LARGE1: variants seen among roughly 807,000 people sequenced by gnomAD.
LARGE1 encodes the protein LARGE xylosyl- and glucuronyltransferase 1.
LARGE1 carries 43 observed loss-of-function variants against 87.6 expected under a neutral mutation model. The ratio of observed to expected loss-of-function variants is 0.49; its 90% CI spans 0.38 to 0.63. LARGE1 has a LOEUF of 0.63. LARGE1 is among the 30% of genes least tolerant of loss of function. The pLI is 0.00. For missense variants in LARGE1, 802 were observed against 1,000.2 expected (o/e 0.80, Z 2.67); for synonymous variants, 434 against 394.6 (o/e 1.10, Z -1.18).
At chr22:33,684,357 A>G (rs574456249) in intron 2 of LARGE1, among the ~76,000 whole-genome samples, 1 of 152,156 alleles carries the variant, frequency 6.6e-6, no homozygotes, top group African/African-American at 2.4e-5. Flanking sequence ...GAAGGGCCTC[A>G]GCCTCGGACT....
rs1364805547 is a variant in LARGE1 at position 33,920,277 on chromosome 22, C to G, written c.-365G>C. On this transcript the variant is annotated 5_prime_UTR_variant, in exon 1 of 15. Coordinates refer to ENST00000397394, the MANE Select transcript of LARGE1 (RefSeq NM_133642.5). ...GGGGACTCTTCCGAGCCAGGGGCGC[C>G]CCGCATGGGCAGGGGCCTGGGTCAG... 6.5e-6 allele frequency: 1 copy of G among 152,756 alleles called. No homozygotes were observed. The highest frequency in any genetic ancestry group is 1.5e-5 in the Non-Finnish European group (1 of 68,542). 9.5% of individuals were successfully genotyped at this position (152,756 alleles called of 1,614,324 possible). A position where few individuals can be genotyped will look rare whatever the true frequency, so the allele number is the denominator to read the frequency against.
chr22:33,588,181 G>A (rs959641269), intron 5 of LARGE1, among the ~76,000 whole-genome samples: 2 of 152,210 alleles, frequency 1.3e-5, no homozygotes, highest in East Asian at 1.9e-4. Context: ...AAGAAGAGCC[G>A]AGGGGTCCAT....
At chr22:33,878,129 C>CTTTTTTTTTTTTTTTTTTTTTAT (rs2064535035) in intron 1 of LARGE1, among the ~76,000 whole-genome samples, 4 of 44,650 alleles carry the variant, frequency 9.0e-5, no homozygotes, top group Non-Finnish European at 1.0e-4. Flanking sequence ...TATTGTATTT[C>CTTTTTTTTTTTTTTTTTTTTTAT]TTTTTTTTTT....
intron 1 of LARGE1, among the ~76,000 whole-genome samples, chr22:33,869,580 C>G (rs949929451): frequency 9.2e-5 from 14 of 152,120 alleles, no homozygotes; most frequent in Admixed American, 8.5e-4. Context: ...TCCTCACTGA[C>G]GAGAAAACAC....
intron 6 of LARGE1, among the ~76,000 whole-genome samples, chr22:33,508,969 T>C (rs2070906076): frequency 6.6e-6 from 1 of 152,222 alleles, no homozygotes; most frequent in African/African-American, 2.4e-5. Context: ...TGGCAGTTAC[T>C]TAGCTGCTAA....
intron 1 of LARGE1, among the ~76,000 whole-genome samples, chr22:33,840,977 C>T (rs2063265442): frequency 6.6e-6 from 1 of 152,308 alleles, no homozygotes; most frequent in African/African-American, 2.4e-5. Context: ...AGAAACTATA[C>T]TTGAGTACCC....
At chr22:33,095,400 C>T in the LARGE1 span, among the ~76,000 whole-genome samples, 2 of 152,276 alleles carry the variant, frequency 1.3e-5, no homozygotes, top group South Asian at 2.1e-4. Flanking sequence ...TCACTGTGTC[C>T]TCTCATTTCT....
Position 33,375,750 on chromosome 22 carries a change from TTTTA to T in LARGE1, c.1131+6165_1131+6168del, listed in dbSNP as rs548455465. 2.9e-3 allele frequency among the ~76,000 whole-genome samples: 440 copies of T among 152,230 alleles called. 1 individual carries two copies. The highest frequency in any genetic ancestry group is 0.01 in the African/African-American group (424 of 41,546). ...ATTTTTATTTTTATTTATGTTTATT[TTTTA>T]TTTATTTTTTTGAGACATGGTTTCT... On this transcript the variant is annotated intron_variant, in intron 9 of 14. Transcript: ENST00000397394.
At chr22:33,576,082 T>C (rs186787572) in intron 5 of LARGE1, among the ~76,000 whole-genome samples, 18 of 152,290 alleles carry the variant, frequency 1.2e-4, no homozygotes, top group Admixed American at 4.6e-4. Flanking sequence ...GAGGAGAAAA[T>C]TGCATTAGCT....
At chr22:33,467,530 T>TC (rs2068665426) in intron 6 of LARGE1, among the ~76,000 whole-genome samples, 2 of 152,218 alleles carry the variant, frequency 1.3e-5, no homozygotes, top group Non-Finnish European at 2.9e-5. Context: ...TTTCATTAAG[T>TC]AGATGTGTTG....
intron 4 of LARGE1, among the ~76,000 whole-genome samples, chr22:33,619,024 C>T (rs796720850): frequency 2.6e-5 from 4 of 152,308 alleles, no homozygotes; most frequent in African/African-American, 9.6e-5. Context: ...ATTGGGAACT[C>T]TCCTGCCTTT....
intron 11 of LARGE1, among the ~76,000 whole-genome samples, chr22:33,259,448 G>A (rs949155349): frequency 2.7e-5 from 4 of 150,876 alleles, no homozygotes; most frequent in Non-Finnish European, 4.4e-5. Flanking sequence ...TAGCAACCTG[G>A]CTGGTCAACT....
chr22:33,244,988 T>A (rs1926690701), intron 11 of LARGE1, among the ~76,000 whole-genome samples: 1 of 152,152 alleles, frequency 6.6e-6, no homozygotes, highest in African/African-American at 2.4e-5. Context: ...AAAATATAAA[T>A]TTTATTTCTC....
chr22:33,348,717 T>G (rs1444623208), intron 9 of LARGE1, among the ~76,000 whole-genome samples: 2 of 144,558 alleles, frequency 1.4e-5, no homozygotes, highest in Non-Finnish European at 3.1e-5. Context: ...TTGCTTTTTG[T>G]TTTTTTTTTT....
intron 12 of LARGE1, among the ~76,000 whole-genome samples, chr22:33,285,906 C>T (rs1041538320): frequency 6.6e-6 from 1 of 152,118 alleles, no homozygotes; most frequent in African/African-American, 2.4e-5. Context: ...CTAAAACCAT[C>T]CGTGGTTAAT....
the LARGE1 span, among the ~76,000 whole-genome samples, chr22:33,070,294 A>G: frequency 6.6e-6 from 1 of 152,156 alleles, no homozygotes; most frequent in Non-Finnish European, 1.5e-5. Context: ...TAATATACAT[A>G]TATATTTGTT....
chr22:33,300,533 G>A (rs1268160481), intron 12 of LARGE1, among the ~76,000 whole-genome samples: 1 of 152,066 alleles, frequency 6.6e-6, no homozygotes, highest in Non-Finnish European at 1.5e-5. Context: ...GTTCCACAAT[G>A]CTCAGCAATT....
rs962994045 is a variant in LARGE1, at chr22:33,483,662, G to A, written c.788-51397C>T. Among the ~76,000 whole-genome samples, 5 of 152,272 alleles carry A rather than the reference G, an allele frequency of 3.3e-5. No individual in the cohort carries two copies. In the South Asian group the frequency reaches 8.3e-4, roughly 25 times the overall value. On this transcript the variant is annotated intron_variant, in intron 6 of 14. Coordinates refer to ENST00000397394, the MANE Select transcript of LARGE1 (RefSeq NM_133642.5). ...GCATTAATGAATGCTAGTAATGATC[G>A]CTGATGCTCTTAATTATAACCACAG... is the stretch of plus-strand genomic sequence containing the variant.
intron 11 of LARGE1, among the ~76,000 whole-genome samples, chr22:33,259,966 C>T (rs1927533077): frequency 6.6e-6 from 1 of 152,212 alleles, no homozygotes; most frequent in Admixed American, 6.5e-5. Flanking sequence ...ATTAACCAAG[C>T]CCATGCTTAT....
Sources: gnomAD v4.1 joint callset for allele counts (sites outside exome capture counted in the v4.1 genomes callset) on GRCh38, gnomAD v4.1.1 for gene constraint, MANE v1.5 for transcripts, NCBI Gene and HGNC (gene_info 2026-07-23, HGNC 2026-07-21) for gene names.